Variants in KAZN observed in about 807,000 individuals in gnomAD.
KAZN encodes kazrin.
A neutral mutation model predicts 87.4 loss-of-function variants in KAZN; 40 were observed. The observed-to-expected ratio is 0.46, with a 90% CI of 0.36 to 0.60. KAZN has a LOEUF of 0.60. Among genes scored for constraint, KAZN ranks in the 20% least tolerant of loss-of-function variants. KAZN has a pLI of 0.00. For synonymous variants in KAZN, 466 were observed against 458.3 expected (o/e 1.02, Z -0.22); for missense variants, 898 against 1,073.9 (o/e 0.84, Z 2.29).
Position 15,114,714 on chromosome 1 carries a change from A to C in KAZN, c.*79A>C. On this transcript the variant is annotated 3_prime_UTR_variant, in exon 15 of 15. Transcript: ENST00000376030. ...CCAGATGGCCCCAGGTGTCGTTCTCACTGTACATAGCGGCCGCAGGCTGAG... is the reference window on the plus strand; with the variant it reads ...CCAGATGGCCCCAGGTGTCGTTCTCCCTGTACATAGCGGCCGCAGGCTGAG... The C allele has an allele frequency of 1.5e-5, 22 of 1,422,834 alleles. No individual in the cohort carries two copies. The highest frequency in any genetic ancestry group is 1.9e-5 in the Non-Finnish European group (20 of 1,047,990). 88.1% of individuals were successfully genotyped at this position (1,422,834 alleles called of 1,614,324 possible). A position where few individuals can be genotyped will look rare whatever the true frequency, so the allele number is the denominator to read the frequency against.
At chr1:14,015,480 T>C in intron 1 of KAZN, among the ~76,000 whole-genome samples, 1 of 123,096 alleles carries the variant, frequency 8.1e-6, no homozygotes, top group Non-Finnish European at 1.6e-5. Flanking sequence ...TTTTTTTTTT[T>C]TTTTTTTTTT....
intron 2 of KAZN, among the ~76,000 whole-genome samples, chr1:14,424,985 A>G (rs1391826064): frequency 6.6e-6 from 1 of 152,236 alleles, no homozygotes; most frequent in Non-Finnish European, 1.5e-5. Context: ...AGTTATGCAA[A>G]AGCACATAAT....
rs187858358 is a variant in KAZN at position 13,989,355 on chromosome 1, C to T, written c.91+95599C>T. The stretch of plus-strand genomic sequence containing the variant: ...CATTTCTGGGTACTGTGGGGTTACA[C>T]GGATGAACTAGACAAAGCCCTAAAC... On this transcript the variant is annotated intron_variant, in intron 1 of 16. Transcript: ENST00000636203. Among the ~76,000 whole-genome samples the T allele has an allele frequency of 7.4e-4, 113 of 152,146 alleles. 1 individual carries two copies. Among genetic ancestry groups the T allele is most frequent in the African/African-American group, 2.5e-3 (102 of 41,530 alleles).
At chr1:14,075,643 A>G (rs1352143183) in intron 1 of KAZN, among the ~76,000 whole-genome samples, 1 of 152,202 alleles carries the variant, frequency 6.6e-6, no homozygotes, top group African/African-American at 2.4e-5. Flanking sequence ...ACAAAAACGC[A>G]GTTCCTTGAA....
chr1:14,835,444 G>A (rs1013028016), intron 1 of KAZN, among the ~76,000 whole-genome samples: 7 of 152,116 alleles, frequency 4.6e-5, no homozygotes, highest in African/African-American at 7.2e-5. Context: ...GGTGGGGGCC[G>A]CAATCTGAGT....
chr1:14,374,898 T>G (rs1269280394), intron 2 of KAZN, among the ~76,000 whole-genome samples: 3 of 152,162 alleles, frequency 2.0e-5, no homozygotes, highest in African/African-American at 7.2e-5. Flanking sequence ...ACAATCTGAT[T>G]AACCAAGAGC....
chr1:15,011,528 C>T (rs564584175), intron 2 of KAZN, among the ~76,000 whole-genome samples: 9 of 152,270 alleles, frequency 5.9e-5, no homozygotes, highest in African/African-American at 2.2e-4. Flanking sequence ...CTCTCTCTGA[C>T]TCCCCCTCCC....
rs143322637 is a variant in KAZN, at chr1:14,801,516, C to G, written c.227-159168C>G. On this transcript the variant is annotated intron_variant, in intron 1 of 14. Transcript: ENST00000376030. ...TTAGGATGGCCATCCTCCATAAAAC[C>G]TACACCTCCCCGGGAAGGAGCAGAG... 2.2e-3 allele frequency among the ~76,000 whole-genome samples: 335 copies of G among 152,040 alleles called. 1 individual carries two copies. Among genetic ancestry groups the G allele is most frequent in the Middle Eastern group, 6.8e-3 (2 of 294 alleles).
intron 1 of KAZN, among the ~76,000 whole-genome samples, chr1:14,121,180 G>T (rs955650138): frequency 6.6e-6 from 1 of 152,152 alleles, no homozygotes; most frequent in Non-Finnish European, 1.5e-5. Context: ...AATTTTAATT[G>T]ATATAGCTTG....
intron 1 of KAZN, among the ~76,000 whole-genome samples, chr1:14,767,232 G>A (rs565106105): frequency 6.6e-6 from 1 of 152,322 alleles, no homozygotes; most frequent in South Asian, 2.1e-4. Context: ...TGATTTGCCT[G>A]ACAATAGCAG....
intron 1 of KAZN, among the ~76,000 whole-genome samples, chr1:13,978,602 A>G (rs887056515): frequency 1.3e-5 from 2 of 151,920 alleles, no homozygotes; most frequent in Non-Finnish European, 1.5e-5. Flanking sequence ...AAATATGACT[A>G]TTAGTAAACT....
intron 1 of KAZN, among the ~76,000 whole-genome samples, chr1:14,800,416 A>C (rs1256536123): frequency 6.6e-6 from 1 of 152,212 alleles, no homozygotes; most frequent in Non-Finnish European, 1.5e-5. Flanking sequence ...AGAATGAAGT[A>C]ATTGCCAGAC....
At chr1:14,417,042 G>A (rs1382218160) in intron 2 of KAZN, among the ~76,000 whole-genome samples, 4 of 130,662 alleles carry the variant, frequency 3.1e-5, no homozygotes, top group African/African-American at 1.1e-4. Flanking sequence ...ACACACACAC[G>A]TTAACCAGGT....
At chr1:14,863,817 G>A (rs1266059129) in intron 1 of KAZN, among the ~76,000 whole-genome samples, 2 of 152,096 alleles carry the variant, frequency 1.3e-5, no homozygotes, top group Non-Finnish European at 2.9e-5. Context: ...TCGGAGTAGG[G>A]GCACAGAGGC....
intron 1 of KAZN, among the ~76,000 whole-genome samples, chr1:14,900,528 TG>T (rs935495410): frequency 6.6e-6 from 1 of 151,484 alleles, no homozygotes; most frequent in African/African-American, 2.4e-5. Context: ...CCGAGGCGGG[TG>T]GATCATGAGG....
intron 1 of KAZN, among the ~76,000 whole-genome samples, chr1:13,899,674 C>T (rs940922363): frequency 2.8e-5 from 4 of 143,638 alleles, no homozygotes; most frequent in African/African-American, 1.0e-4. Context: ...GGTGGAGTCT[C>T]GCACTGTCGC....
chr1:14,316,033 C>G (rs986274996), intron 2 of KAZN, among the ~76,000 whole-genome samples: 74 of 152,116 alleles, frequency 4.9e-4, no homozygotes, highest in African/African-American at 1.7e-3. Flanking sequence ...TTAACTTTCC[C>G]GTAGCTCCGC....
chr1:13,954,120 G>T (rs941067573), intron 1 of KAZN, among the ~76,000 whole-genome samples: 6 of 152,174 alleles, frequency 3.9e-5, no homozygotes, highest in Admixed American at 2.6e-4. Context: ...GTTTAAAAAC[G>T]CACCACCCAG....
chr1:14,121,528 A>G (rs972492056), intron 1 of KAZN, among the ~76,000 whole-genome samples: 2 of 152,216 alleles, frequency 1.3e-5, no homozygotes, highest in African/African-American at 4.8e-5. Context: ...CATGAATCCA[A>G]GCTTTTAATC....
Sources: allele counts gnomAD v4.1 joint callset (sites outside exome capture counted in the v4.1 genomes callset), GRCh38; gene constraint gnomAD v4.1.1; transcripts MANE v1.5; gene names NCBI Gene and HGNC (gene_info 2026-07-23, HGNC 2026-07-21).